The following NSMCE2 variants were observed in gnomAD, a reference collection of about 807,000 sequenced individuals.
The protein encoded by NSMCE2 is E3 SUMO-protein ligase NSE2.
NSMCE2 carries 24 observed loss-of-function variants against 23.8 expected under a neutral mutation model. That is an observed-to-expected ratio of 1.01 (90% CI 0.73 to 1.42). The LOEUF is 1.42. NSMCE2 is among the 40% of genes most tolerant of loss of function. The probability of loss-of-function intolerance (pLI) is 0.00; values close to 1 mark genes in which losing one functional copy is unlikely to be tolerated. For missense variants in NSMCE2, 284 were observed against 296.5 expected (o/e 0.96, Z 0.31); for synonymous variants, 92 against 94.1 (o/e 0.98, Z 0.13).
intron 5 of NSMCE2, among the ~76,000 whole-genome samples, chr8:125,254,547 T>G (rs1403148409): frequency 6.6e-6 from 1 of 152,214 alleles, no homozygotes; most frequent in African/African-American, 2.4e-5. Flanking sequence ...TCACTGCCAT[T>G]TTTTATATAA....
chr8:125,230,187 AAG>A (rs1381741388), intron 5 of NSMCE2, among the ~76,000 whole-genome samples: 1 of 152,208 alleles, frequency 6.6e-6, no homozygotes, highest in African/African-American at 2.4e-5. Context: ...CTTCCAGACA[AAG>A]AGATTCATCC....
intron 3 of NSMCE2, among the ~76,000 whole-genome samples, chr8:125,116,877 G>A (rs1270190363): frequency 1.3e-5 from 2 of 149,436 alleles, no homozygotes; most frequent in Non-Finnish European, 1.5e-5. Flanking sequence ...TTTTACTTAA[G>A]CATATAACTT....
intron 5 of NSMCE2, among the ~76,000 whole-genome samples, chr8:125,322,938 G>C (rs1288061929): frequency 2.0e-5 from 3 of 152,132 alleles, no homozygotes; most frequent in Non-Finnish European, 4.4e-5. Context: ...GCATGCCTGT[G>C]ATCCCACCTA....
chr8:125,156,419 G>A (rs1046826956), intron 4 of NSMCE2: 1 of 152,796 alleles, frequency 6.5e-6, no homozygotes, highest in Non-Finnish European at 1.5e-5. Flanking sequence ...CTTATAAATT[G>A]TATAAGATTT....
intron 5 of NSMCE2, among the ~76,000 whole-genome samples, chr8:125,203,241 G>A (rs1377448315): frequency 6.6e-6 from 1 of 150,748 alleles, no homozygotes; most frequent in African/African-American, 2.4e-5. Flanking sequence ...TTGTGTGTGT[G>A]TGTGTGTCTG....
intron 1 of NSMCE2, among the ~76,000 whole-genome samples, chr8:125,101,354 A>T (rs539450010): frequency 1.3e-5 from 2 of 152,334 alleles, no homozygotes; most frequent in South Asian, 4.1e-4. Flanking sequence ...GGCAGAAGGG[A>T]AGGCTCTAAT....
intron 3 of NSMCE2, among the ~76,000 whole-genome samples, chr8:125,117,511 G>A (rs527954014): frequency 6.6e-6 from 1 of 151,848 alleles, no homozygotes; most frequent in African/African-American, 2.4e-5. Flanking sequence ...TTGTTCCATG[G>A]GGCTTTTTGC....
intron 4 of NSMCE2, among the ~76,000 whole-genome samples, chr8:125,167,483 G>C (rs1821950726): frequency 6.6e-6 from 1 of 152,018 alleles, no homozygotes; most frequent in Non-Finnish European, 1.5e-5. Context: ...TGGCCAACAT[G>C]GTGAAACCCC....
At chr8:125,201,859 CT>C (rs1823894143) in intron 5 of NSMCE2, among the ~76,000 whole-genome samples, 1 of 152,250 alleles carries the variant, frequency 6.6e-6, no homozygotes, top group Non-Finnish European at 1.5e-5. Flanking sequence ...CAAGTTCAAG[CT>C]TCTCAGCCGC....
At chr8:125,356,007 T>C (rs182015374) in intron 5 of NSMCE2, among the ~76,000 whole-genome samples, 50 of 152,260 alleles carry the variant, frequency 3.3e-4, no homozygotes, top group East Asian at 2.9e-3. Context: ...AGAGTGTCCA[T>C]AAGGTCAAAA....
chr8:125,178,332 T>A lies in NSMCE2; in HGVS notation c.265-3771T>A, dbSNP rs530684657. Among the ~76,000 whole-genome samples the A allele has an allele frequency of 2.6e-5, 4 of 152,320 alleles. No homozygotes were observed. The East Asian group carries it at 7.7e-4, about 29-fold the overall frequency. On this transcript the variant is annotated intron_variant, in intron 4 of 7. Transcript: ENST00000287437. ...TAGCACACAGAGAGCACTCACTGAA[T>A]ACTGGATGAGTAAGCGGGTGGTACA...
intron 5 of NSMCE2, among the ~76,000 whole-genome samples, chr8:125,329,975 G>A (rs543187173): frequency 2.6e-5 from 4 of 151,980 alleles, no homozygotes; most frequent in African/African-American, 7.2e-5. Context: ...AGCCCCCTCC[G>A]AAAGAACCAT....
At chr8:125,360,937 G>C (rs1227836513) in intron 7 of NSMCE2, among the ~76,000 whole-genome samples, 1 of 152,090 alleles carries the variant, frequency 6.6e-6, no homozygotes, top group Non-Finnish European at 1.5e-5. Flanking sequence ...CTCTGCACTG[G>C]CTTGAGTCAG....
chr8:125,117,442 T>C (rs1022800324), intron 3 of NSMCE2, among the ~76,000 whole-genome samples: 4 of 152,356 alleles, frequency 2.6e-5, no homozygotes, highest in African/African-American at 9.6e-5. Flanking sequence ...CTTCCTAAGA[T>C]ACCATAATTT....
chr8:125,267,731 C>G (rs1427728767), intron 5 of NSMCE2, among the ~76,000 whole-genome samples: 1 of 152,146 alleles, frequency 6.6e-6, no homozygotes, highest in Non-Finnish European at 1.5e-5. Flanking sequence ...GAGCCAAGAT[C>G]GTGCCACTGC....
At chr8:125,117,027 A>G (rs915371725) in intron 3 of NSMCE2, among the ~76,000 whole-genome samples, 7 of 151,514 alleles carry the variant, frequency 4.6e-5, no homozygotes, top group African/African-American at 1.7e-4. Flanking sequence ...AGCTGGGACT[A>G]CAGGCGCTCT....
At chr8:125,337,899 A>AG (rs1830114042) in intron 5 of NSMCE2, among the ~76,000 whole-genome samples, 2 of 151,416 alleles carry the variant, frequency 1.3e-5, no homozygotes, top group Non-Finnish European at 1.5e-5. Flanking sequence ...AAAAAAAAAA[A>AG]AAAAAAGAAA....
intron 5 of NSMCE2, among the ~76,000 whole-genome samples, chr8:125,194,451 G>C (rs1392389479): frequency 1.3e-5 from 2 of 152,080 alleles, no homozygotes; most frequent in Non-Finnish European, 1.5e-5. Flanking sequence ...TTGCTGAGTA[G>C]TATCTCATCG....
chr8:125,134,065 G>A (rs1242506307), intron 3 of NSMCE2, among the ~76,000 whole-genome samples: 1 of 152,164 alleles, frequency 6.6e-6, no homozygotes, highest in Admixed American at 6.5e-5. Context: ...CACACTTTGA[G>A]AATGACTAGA....
Sources: allele counts gnomAD v4.1 joint callset (sites outside exome capture counted in the v4.1 genomes callset), GRCh38; gene constraint gnomAD v4.1.1; transcripts MANE v1.5; gene names NCBI Gene and HGNC (gene_info 2026-07-23, HGNC 2026-07-21).